Variants in SNX5 observed in about 807,000 individuals in gnomAD.
The protein encoded by SNX5 is sorting nexin-5.
SNX5 carries 31 observed loss-of-function variants against 53.9 expected under a neutral mutation model. The ratio of observed to expected loss-of-function variants is 0.58; its 90% confidence interval spans 0.43 to 0.78. SNX5 has a LOEUF of 0.78. SNX5 is among the 30% of genes least tolerant of loss of function. SNX5 has a pLI of 0.00. For synonymous variants in SNX5, 168 were observed against 171.1 expected (o/e 0.98, Z 0.14); for missense variants, 471 against 478.8 (o/e 0.98, Z 0.15).
rs1397325129 is a variant in SNX5 at position 17,951,732 on chromosome 20, A to G, written c.514-137T>C. ...ATAAAGTATCTTTAATTCTGCCTTA[A>G]CCTCCAAGCTTAAAACACCTAATGG... On this transcript the variant is annotated intron_variant, in intron 5 of 12. Coordinates refer to ENST00000377759, the MANE Select transcript of SNX5 (RefSeq NM_014426.4). 8.2e-6 allele frequency: 5 copies of G among 613,264 alleles called. No homozygotes were observed. The East Asian group carries it at 1.4e-4, about 17-fold the overall frequency. 38.0% of individuals were successfully genotyped at this position (613,264 alleles called of 1,614,324 possible).
chr20:17,959,814 C>T (rs1172292779), intron 1 of SNX5, among the ~76,000 whole-genome samples: 1 of 152,186 alleles, frequency 6.6e-6, no homozygotes, highest in East Asian at 1.9e-4. Flanking sequence ...TTCAGCATTC[C>T]TTCTGCTTAG....
chr20:17,954,159 G>C, intron 3 of SNX5, 42 bp from the exon 4 acceptor site: 1 of 1,608,410 alleles, frequency 6.2e-7, no homozygotes, highest in Non-Finnish European at 8.5e-7. Context: ...TGTCCCAGCA[G>C]CGATGTTTTC....
intron 1 of SNX5, 126 bp downstream of exon 1, chr20:17,968,249 G>C: frequency 1.3e-6 from 1 of 774,254 alleles, no homozygotes; most frequent in East Asian, 3.4e-5. Flanking sequence ...CGGGTCTCAC[G>C]GGTGCTTCCC....
intron 1 of SNX5, among the ~76,000 whole-genome samples, chr20:17,964,711 C>T (rs913495295): frequency 2.6e-4 from 40 of 152,170 alleles, no homozygotes; most frequent in African/African-American, 9.4e-4. Context: ...GTTGTGACCA[C>T]GGGCTATTTA....
chr20:17,952,762 C>T (rs761671446), intron 4 of SNX5, 52 bp from the exon 5 acceptor site: 4 of 1,598,006 alleles, frequency 2.5e-6, no homozygotes, highest in Non-Finnish European at 3.4e-6. Flanking sequence ...AACTACCTGA[C>T]CAATACCACT....
chr20:17,949,294 T>A (rs1480169231), intron 8 of SNX5, among the ~76,000 whole-genome samples, 191 bp from the exon 9 acceptor site: 1 of 152,208 alleles, frequency 6.6e-6, no homozygotes, highest in South Asian at 2.1e-4. Context: ...ATTACACACA[T>A]GTACAGCACC....
intron 6 of SNX5, among the ~76,000 whole-genome samples, 153 bp from the exon 7 acceptor site, chr20:17,950,549 G>A (rs754057312): frequency 6.6e-6 from 1 of 152,074 alleles, no homozygotes; most frequent in Admixed American, 6.5e-5. Context: ...ACAAATTTAC[G>A]ATACTATTTC....
chr20:17,961,329 GAAC>G lies in SNX5; in HGVS notation c.52-4295_52-4293del, dbSNP rs991472483. On this transcript the variant is annotated intron_variant, in intron 1 of 12. Transcript: ENST00000377759. The stretch of plus-strand genomic sequence containing the variant: ...GAGGGCAAAGGGCACCTGGATGACT[GAAC>G]AACACAAAAGGCAAGATTCTAAAAC... The G allele has an allele frequency of 1.2e-5, 12 of 985,268 alleles. No homozygotes were observed. In the African/African-American group the frequency reaches 1.9e-4, roughly 16 times the overall value. The allele number at this position is 985,268 out of a possible 1,614,324, so 61.0% of individuals were successfully genotyped here. A position where few individuals can be genotyped will look rare whatever the true frequency, so the allele number is the denominator to read the frequency against.
intron 1 of SNX5, chr20:17,961,448 T>C (rs2035446837): frequency 1.8e-5 from 18 of 985,302 alleles, no homozygotes; most frequent in Non-Finnish European, 2.2e-5. Flanking sequence ...AAAGACACAG[T>C]CCAAAGAAGT....
rs1353802793 is a variant in SNX5 at position 17,950,223 on chromosome 20, CA to C, written c.716-17del. ...TCGGCAACATCTGCAGAAACAAGGA[CA>C]AGTCTTTTTATCCAAACACAGCCAG... is the stretch of plus-strand genomic sequence containing the variant. On this transcript the variant is annotated splice_polypyrimidine_tract_variant and intron_variant, in intron 7 of 12. Coordinates refer to ENST00000377759, the MANE Select transcript of SNX5 (RefSeq NM_014426.4). 1.9e-6 allele frequency: 3 copies of C among 1,614,092 alleles called. No individual in the cohort carries two copies. Among genetic ancestry groups the C allele is most frequent in the Non-Finnish European group, 2.5e-6 (3 of 1,179,950 alleles).
chr20:17,963,500 T>C (rs1201930045), intron 1 of SNX5, among the ~76,000 whole-genome samples: 1 of 152,110 alleles, frequency 6.6e-6, no homozygotes, highest in East Asian at 1.9e-4. Flanking sequence ...AATGCCAGTT[T>C]CCTTTACTCA....
chr20:17,958,002 C>CAAAAAAAAAAAAAAAA (rs59621613), intron 1 of SNX5, among the ~76,000 whole-genome samples: 1 of 107,864 alleles, frequency 9.3e-6, no homozygotes, highest in African/African-American at 3.6e-5. Flanking sequence ...TTCTGCCCGT[C>CAAAAAAAAAAAAAAAA]AAAAAAAAAA....
At chr20:17,965,770 AG>A (rs1194018359) in intron 1 of SNX5, among the ~76,000 whole-genome samples, 1 of 152,152 alleles carries the variant, frequency 6.6e-6, no homozygotes, top group African/African-American at 2.4e-5. Context: ...GGGGATCTTA[AG>A]ACACCGAGTA....
intron 1 of SNX5, chr20:17,967,818 A>C (rs1384709915): frequency 1.6e-5 from 6 of 373,452 alleles, no homozygotes; most frequent in Non-Finnish European, 2.4e-5. Flanking sequence ...AAGTTCAGCA[A>C]GTATTTGAGC....
intron 1 of SNX5, among the ~76,000 whole-genome samples, chr20:17,958,145 AGG>A (rs1281207101): frequency 2.6e-5 from 4 of 152,242 alleles, no homozygotes; most frequent in Admixed American, 6.5e-5. Flanking sequence ...ACAAGGCACG[AGG>A]AACTCATAGC....
Position 17,962,352 on chromosome 20 carries a change from C to T in SNX5, c.52-5315G>A, listed in dbSNP as rs1407282809. On this transcript the variant is annotated intron_variant, in intron 1 of 12. Transcript: ENST00000377759. ...CCTGAGTAGCTGGGATTACAGGCGC[C>T]CACCACCCCACCCAGCTAATTTTTG... Among the ~76,000 whole-genome samples, 6 of 151,764 alleles carry T rather than the reference C, an allele frequency of 4.0e-5. No homozygotes were observed. In the East Asian group the frequency reaches 1.2e-3, roughly 29 times the overall value.
chr20:17,965,621 T>G (rs2035524625), intron 1 of SNX5, among the ~76,000 whole-genome samples: 5 of 145,308 alleles, frequency 3.4e-5, no homozygotes. Context: ...CAGTGAGTTG[T>G]GATCGTGACA....
chr20:17,962,630 A>AAAAAAAAAAAAAAAAAAAAAAAAACT, intron 1 of SNX5: 1 of 404,146 alleles, frequency 2.5e-6, no homozygotes, highest in Non-Finnish European at 4.9e-6. Flanking sequence ...CTAACAGAAG[A>AAAAAAAAAAAAAAAAAAAAAAAAACT]TCTCAGTCTA....
In SNX5 at chr20:17,949,076, A is replaced by C. The variant is rs1184666064; in HGVS notation, c.819T>G (p.Phe273Leu). The change falls in exon 9 of 13, where the codon TTT becomes TTG. Residue 273 changes from phenylalanine (F) to leucine (L), a missense_variant. Phe to Leu is a conservative substitution (Grantham distance 22). Transcript: ENST00000377759. ...CAGAAATCCTTACCCTTAGTTTTTC[A>C]AATAGCTCAGCAACCTTCAATAGGT... The part of the protein sequence containing the change: ...KKYLLKVAEL[F>L]EKLRKVEGRV... The C allele has an allele frequency of 1.9e-6, 3 of 1,613,240 alleles. No individual in the cohort carries two copies. Among genetic ancestry groups the C allele is most frequent in the Non-Finnish European group, 2.5e-6 (3 of 1,179,762 alleles).
Sources: gnomAD v4.1 joint callset for allele counts (sites outside exome capture counted in the v4.1 genomes callset) on GRCh38, gnomAD v4.1.1 for gene constraint, MANE v1.5 for transcripts, NCBI Gene and HGNC (gene_info 2026-07-23, HGNC 2026-07-21) for gene names.